RIN3: variants seen among roughly 807,000 people sequenced by gnomAD.
The protein encoded by RIN3 is Ras and Rab interactor 3.
In RIN3, 54 loss-of-function variants were observed where a neutral mutation model predicts 76.3. The ratio of observed to expected loss-of-function variants is 0.71; its 90% CI spans 0.57 to 0.89. The LOEUF (loss-of-function observed/expected upper bound fraction) is 0.89, where lower values mean the gene tolerates loss of function less well. RIN3 is among the 40% of genes least tolerant of loss of function. RIN3 has a pLI of 0.00. For synonymous variants in RIN3, 576 were observed against 564.0 expected, an observed-to-expected ratio of 1.02 and a Z score of -0.30; for missense variants, 1,256 against 1,322.1, an observed-to-expected ratio of 0.95 and a Z score of 0.78.
In RIN3 at chr14:92,659,204, C is replaced by T. The variant is rs1270817690; in HGVS notation, c.2070C>T (p.Pro690=). 1.2e-6 allele frequency: 2 copies of T among 1,614,030 alleles called. No individual in the cohort carries two copies. Among genetic ancestry groups the T allele is most frequent in the Non-Finnish European group, 1.7e-6 (2 of 1,180,018 alleles). The change falls in exon 7 of 10, where the codon CCC becomes CCT. Residue 690 remains proline, a synonymous_variant. Coordinates refer to ENST00000216487, the MANE Select transcript of RIN3 (RefSeq NM_024832.5). ...CCTTGTACAAATGTGTCCTGAAGCCCCTGAAGGAAGCCATCAACTCATGCC... is the reference window on the plus strand; with the variant it reads ...CCTTGTACAAATGTGTCCTGAAGCCTCTGAAGGAAGCCATCAACTCATGCC... ...ESALYKCVLK[P]LKEAINSCLH... is the part of the protein sequence containing the mutation.
chr14:92,577,928 G>A (rs1228090235), intron 3 of RIN3, among the ~76,000 whole-genome samples: 1 of 152,274 alleles, frequency 6.6e-6, no homozygotes, highest in South Asian at 2.1e-4. Context: ...GAGGGTCAAA[G>A]GGACAAACAC....
chr14:92,571,119 T>C (rs748228861), intron 2 of RIN3, among the ~76,000 whole-genome samples: 1 of 152,226 alleles, frequency 6.6e-6, no homozygotes, highest in Non-Finnish European at 1.5e-5. Context: ...AATGCCGAGC[T>C]GTAACCAATC....
chr14:92,515,557 A>G, intron 1 of RIN3: 1 of 413,922 alleles, frequency 2.4e-6, no homozygotes, highest in Non-Finnish European at 4.3e-6. Flanking sequence ...AGAGTTGAAT[A>G]CATTAGACTA....
At chr14:92,586,438 T>C (rs1413215046) in intron 3 of RIN3, 3 of 152,246 alleles carry the variant, frequency 2.0e-5, no homozygotes, top group African/African-American at 4.8e-5. Context: ...TATTTCTTTC[T>C]GTTTTCAGCA....
rs35072092 is a variant in RIN3, at chr14:92,582,442, C to CTTTTT, written c.367+4980_367+4984dup. Among the ~76,000 whole-genome samples, 11 of 117,548 alleles carry CTTTTT rather than the reference C, an allele frequency of 9.4e-5. 1 individual carries two copies. The highest frequency in any genetic ancestry group is 1.2e-4 in the Non-Finnish European group (7 of 59,614). The allele number at this position is 117,548 out of a possible 152,430, so 77.1% of individuals were successfully genotyped here. ...TGTGGTTTTGCTGTTTCCTTTTTTACTTTTTTTTTTTTTTTTTTTCCCTGA... is the reference window on the plus strand; with the variant it reads ...TGTGGTTTTGCTGTTTCCTTTTTTACTTTTTTTTTTTTTTTTTTTTTTTTCCCTGA... On this transcript the variant is annotated intron_variant, in intron 3 of 9. Transcript: ENST00000216487.
chr14:92,642,025 G>A (rs1887033081), intron 5 of RIN3, among the ~76,000 whole-genome samples: 1 of 152,236 alleles, frequency 6.6e-6, no homozygotes, highest in East Asian at 1.9e-4. Flanking sequence ...TGCCAAGTCT[G>A]TAGCTGCTGA....
intron 3 of RIN3, among the ~76,000 whole-genome samples, chr14:92,584,401 T>C (rs1168169907): frequency 6.6e-6 from 1 of 152,064 alleles, no homozygotes; most frequent in Non-Finnish European, 1.5e-5. Flanking sequence ...CTGAAACAGG[T>C]CACATGGCCA....
chr14:92,674,614 C>T (rs556114039), intron 7 of RIN3, among the ~76,000 whole-genome samples: 14 of 152,084 alleles, frequency 9.2e-5, no homozygotes, highest in Admixed American at 2.6e-4. Context: ...AAAGGCCGGG[C>T]GCTGTGGCTC....
At chr14:92,575,901 C>G (rs527935263) in intron 2 of RIN3, among the ~76,000 whole-genome samples, 2 of 144,994 alleles carry the variant, frequency 1.4e-5, no homozygotes, top group South Asian at 2.1e-4. Flanking sequence ...TTACCCAACC[C>G]CTATTCAAGA....
chr14:92,577,544 C>T, intron 3 of RIN3, 67 bp downstream of exon 3: 2 of 954,836 alleles, frequency 2.1e-6, no homozygotes, highest in Admixed American at 3.5e-5. Flanking sequence ...GAGGCTGCAC[C>T]TTCTAACCAC....
chr14:92,536,616 C>T (rs1897005796), intron 1 of RIN3, among the ~76,000 whole-genome samples: 1 of 151,948 alleles, frequency 6.6e-6, no homozygotes, highest in Non-Finnish European at 1.5e-5. Context: ...GTGGTGGGCG[C>T]CTGTAGTCCC....
At chr14:92,521,799 G>A (rs763988122) in intron 1 of RIN3, among the ~76,000 whole-genome samples, 11 of 152,290 alleles carry the variant, frequency 7.2e-5, no homozygotes, top group South Asian at 4.1e-4. Flanking sequence ...AAATATGTGC[G>A]TATTTAAAGC....
intron 1 of RIN3, among the ~76,000 whole-genome samples, chr14:92,537,969 T>C (rs1897044944): frequency 6.6e-6 from 1 of 152,094 alleles, no homozygotes; most frequent in Admixed American, 6.5e-5. Flanking sequence ...CCCAAGTAGC[T>C]GGGACTACAG....
intron 3 of RIN3, among the ~76,000 whole-genome samples, chr14:92,609,347 G>A (rs1382280212): frequency 6.6e-6 from 1 of 152,190 alleles, no homozygotes; most frequent in African/African-American, 2.4e-5. Context: ...CTGAGCCAGG[G>A]CAGAGTCTGT....
intron 3 of RIN3, among the ~76,000 whole-genome samples, chr14:92,598,742 T>G (rs900293484): frequency 6.6e-6 from 1 of 152,196 alleles, no homozygotes; most frequent in Non-Finnish European, 1.5e-5. Flanking sequence ...GATGCAAGAA[T>G]CACTCATGCT....
intron 3 of RIN3, among the ~76,000 whole-genome samples, chr14:92,609,056 A>C (rs1457702534): frequency 6.6e-6 from 1 of 151,946 alleles, no homozygotes; most frequent in East Asian, 1.9e-4. Context: ...TTTCCCACCC[A>C]ACTCCCCAAA....
chr14:92,630,820 C>T (rs1886549067), intron 4 of RIN3, among the ~76,000 whole-genome samples: 1 of 152,126 alleles, frequency 6.6e-6, no homozygotes, highest in Non-Finnish European at 1.5e-5. Flanking sequence ...AGGGATAGTC[C>T]CAGGCTGGGA....
Position 92,526,458 on chromosome 14 carries a change from TA to T in RIN3, c.44+12490del, listed in dbSNP as rs1454654929. ...TGAGTGACAGAGTGAGACCCTGTCT[TA>T]AAAAAAATAAATGGGCCGGGCGCAG... On this transcript the variant is annotated intron_variant, in intron 1 of 9. Coordinates refer to ENST00000216487, the MANE Select transcript of RIN3 (RefSeq NM_024832.5). Among the ~76,000 whole-genome samples the T allele has an allele frequency of 6.2e-5, 9 of 144,918 alleles. No homozygotes were observed. The South Asian group carries it at 2.0e-3, about 32-fold the overall frequency.
intron 9 of RIN3, chr14:92,686,020 C>A (rs1888844498): frequency 6.6e-6 from 1 of 152,544 alleles, no homozygotes; most frequent in Non-Finnish European, 1.5e-5. Flanking sequence ...GGGCGCCAAG[C>A]CCAGGGCCTG....
Sources: gnomAD v4.1 joint callset for allele counts (sites outside exome capture counted in the v4.1 genomes callset) on GRCh38, gnomAD v4.1.1 for gene constraint, MANE v1.5 for transcripts, NCBI Gene and HGNC (gene_info 2026-07-23, HGNC 2026-07-21) for gene names.